Variants in AEBP2 observed in about 807,000 individuals in gnomAD.
AEBP2 encodes the protein AE binding protein 2, also known as zinc finger protein AEBP2.
In AEBP2, 10 loss-of-function variants were observed where a neutral mutation model predicts 50.8. That is an observed-to-expected ratio of 0.20 (90% CI 0.12 to 0.33). The LOEUF (loss-of-function observed/expected upper bound fraction) is 0.33, where lower values mean the gene tolerates loss of function less well. Ranked by LOEUF, AEBP2 falls within the 10% of genes least tolerant of loss-of-function variation. The probability of loss-of-function intolerance (pLI) is 1.00; values close to 1 mark genes in which losing one functional copy is unlikely to be tolerated. For synonymous variants in AEBP2, 296 were observed against 261.3 expected (o/e 1.13, Z -1.28); for missense variants, 570 against 688.0 (o/e 0.83, Z 1.92).
chr12:19,479,717 GTTTTTTTTTTTTTTT>G (rs369410408), intron 3 of AEBP2, among the ~76,000 whole-genome samples: 21 of 22,350 alleles, frequency 9.4e-4, no homozygotes, highest in African/African-American at 2.1e-3. Flanking sequence ...CTCTTTGTGG[GTTTTTTTTTTTTTTT>G]TTTTTTTTTT....
rs180857060 is a variant in AEBP2 at position 19,469,807 on chromosome 12, T to G, written c.880-3441T>G. On this transcript the variant is annotated intron_variant, in intron 2 of 7. Transcript: ENST00000266508. ...TAATACAACACAATTTGCTGTACCATGAGAGACTGGACTTGGGACCCCTGT... is the reference window on the plus strand; with the variant it reads ...TAATACAACACAATTTGCTGTACCAGGAGAGACTGGACTTGGGACCCCTGT... Among the ~76,000 whole-genome samples the G allele has an allele frequency of 5.9e-5, 9 of 152,326 alleles. No individual in the cohort carries two copies. The East Asian group carries it at 1.7e-3, about 29-fold the overall frequency.
chr12:19,427,668 AAAC>A (rs1352317274), intron 1 of AEBP2, among the ~76,000 whole-genome samples: 1 of 152,206 alleles, frequency 6.6e-6, no homozygotes, highest in Non-Finnish European at 1.5e-5. Context: ...AGGAGGCAAA[AAAC>A]CATACATACA....
intron 1 of AEBP2, among the ~76,000 whole-genome samples, chr12:19,454,873 CT>C (rs1948239422): frequency 6.6e-6 from 1 of 152,200 alleles, no homozygotes; most frequent in Non-Finnish European, 1.5e-5. Context: ...AGGCTTGCCC[CT>C]ATCCATTTGA....
Position 19,462,831 on chromosome 12 carries a change from T to TA in AEBP2, c.879+115dup, listed in dbSNP as rs1399071309. 4 of 965,182 alleles carry TA rather than the reference T, an allele frequency of 4.1e-6. No homozygotes were observed. The African/African-American group carries it at 6.6e-5, about 16-fold the overall frequency. 59.8% of individuals were successfully genotyped at this position (965,182 alleles called of 1,614,324 possible). On this transcript the variant is annotated intron_variant, in intron 2 of 7. Coordinates refer to ENST00000266508, the MANE Select transcript of AEBP2 (RefSeq NM_153207.5). ...ATTTGGGATTATTTTTACACAGGCT[T>TA]AGTTTTTTCAAGTGAATTTTTAATA...
At chr12:19,467,440 T>A (rs1948497126) in intron 2 of AEBP2, among the ~76,000 whole-genome samples, 5 of 152,074 alleles carry the variant, frequency 3.3e-5, no homozygotes, top group Admixed American at 2.6e-4. Flanking sequence ...ACTACAGGTG[T>A]GCGCCACCAC....
chr12:19,440,648 C>A, intron 1 of AEBP2: 1 of 1,530,444 alleles, frequency 6.5e-7, no homozygotes, highest in South Asian at 1.2e-5. Context: ...ACGGCTCTAA[C>A]TCGGAAACAG....
At chr12:19,475,176 GCTGTGTA>G (rs1252197112) in intron 3 of AEBP2, among the ~76,000 whole-genome samples, 2 of 1,178 alleles carry the variant, frequency 1.7e-3, no homozygotes, top group Non-Finnish European at 2.9e-3. Flanking sequence ...TGTCACCTGA[GCTGTGTA>G]CACTGTACAC....
At chr12:19,501,414 T>G (rs1949072903) in intron 5 of AEBP2, among the ~76,000 whole-genome samples, 1 of 152,022 alleles carries the variant, frequency 6.6e-6, no homozygotes, top group South Asian at 2.1e-4. Flanking sequence ...GCAGGCAGAT[T>G]GCTTGAACCT....
intron 3 of AEBP2, among the ~76,000 whole-genome samples, chr12:19,478,864 A>T (rs1175770466): frequency 6.6e-6 from 1 of 152,116 alleles, no homozygotes; most frequent in Non-Finnish European, 1.5e-5. Flanking sequence ...TAAAAAATTT[A>T]TAGAGACTTG....
At chr12:19,447,042 G>C (rs927456540) in intron 1 of AEBP2, among the ~76,000 whole-genome samples, 22 of 152,346 alleles carry the variant, frequency 1.4e-4, no homozygotes, top group Middle Eastern at 3.4e-3. Context: ...GATGAAGAGA[G>C]AATTCTAGAA....
rs71067027 is a variant in AEBP2, at chr12:19,481,092, C to CTTTTTTTTTTTTTTTTTTTTTTTT, written c.987+7740_987+7763dup. 1.2e-4 allele frequency among the ~76,000 whole-genome samples: 9 copies of CTTTTTTTTTTTTTTTTTTTTTTTT among 74,050 alleles called. 2 individuals carry two copies. Among genetic ancestry groups the CTTTTTTTTTTTTTTTTTTTTTTTT allele is most frequent in the African/African-American group, 2.8e-4 (5 of 17,554 alleles). 48.6% of individuals were successfully genotyped at this position (74,050 alleles called of 152,430 possible). Reference sequence around the variant, plus strand: ...TGTTATTGAAACTTTGCAGTGCATCCTTTTTTTTTTTTTTTTTTTTTTTTT... The same window carrying CTTTTTTTTTTTTTTTTTTTTTTTT: ...TGTTATTGAAACTTTGCAGTGCATCCTTTTTTTTTTTTTTTTTTTTTTTTTTTTTTTTTTTTTTTTTTTTTTTTT... On this transcript the variant is annotated intron_variant, in intron 3 of 7. Transcript: ENST00000266508.
intron 3 of AEBP2, among the ~76,000 whole-genome samples, chr12:19,486,978 G>T (rs1164260611): frequency 6.6e-6 from 1 of 152,064 alleles, no homozygotes; most frequent in East Asian, 1.9e-4. Flanking sequence ...TAGTGGATGA[G>T]TAGTGGTATC....
chr12:19,501,803 T>G (rs1056595923), intron 5 of AEBP2, among the ~76,000 whole-genome samples: 3 of 144,120 alleles, frequency 2.1e-5, no homozygotes, highest in Non-Finnish European at 4.6e-5. Context: ...GTTTGTTTTT[T>G]TTTTTTTTTT....
At chr12:19,491,040 A>G (rs545056811) in intron 3 of AEBP2, among the ~76,000 whole-genome samples, 1 of 152,346 alleles carries the variant, frequency 6.6e-6, no homozygotes, top group East Asian at 1.9e-4. Context: ...CTCAGTTACA[A>G]TAACCATATT....
chr12:19,439,155 C>G (rs543643423), upstream of AEBP2, among the ~76,000 whole-genome samples: 6 of 152,316 alleles, frequency 3.9e-5, no homozygotes, highest in African/African-American at 1.4e-4. Flanking sequence ...CATTTTAAAC[C>G]GCTCTCTTCG....
intron 1 of AEBP2, chr12:19,413,419 A>G: frequency 8.9e-7 from 1 of 1,118,530 alleles, no homozygotes; most frequent in Non-Finnish European, 1.4e-6. Context: ...GAAATTCAAC[A>G]GAAGAAAAGT....
intron 1 of AEBP2, among the ~76,000 whole-genome samples, chr12:19,414,311 A>C (rs1173444429): frequency 1.3e-5 from 2 of 152,102 alleles, no homozygotes; most frequent in African/African-American, 4.8e-5. Context: ...CCCAGCTCCT[A>C]TTCAAGATGG....
chr12:19,450,094 C>T (rs1352047269), intron 1 of AEBP2, among the ~76,000 whole-genome samples: 1 of 152,152 alleles, frequency 6.6e-6, no homozygotes, highest in African/African-American at 2.4e-5. Flanking sequence ...AGCACCACCG[C>T]AGTTTTGAAA....
Position 19,439,611 on chromosome 12 carries a change from T to A in AEBP2, c.-89T>A. On this transcript the variant is annotated 5_prime_UTR_variant, in exon 1 of 8. Coordinates refer to ENST00000266508, the MANE Select transcript of AEBP2 (RefSeq NM_153207.5). ...CTCTGCAGCGGCGTCGGCGGAGTTT[T>A]GGGCGTTTGGGAGGGGGGCGAGGGA... 1 of 1,453,760 alleles carries A rather than the reference T, an allele frequency of 6.9e-7. No homozygotes were observed. Among genetic ancestry groups the A allele is most frequent in the African/African-American group, 1.5e-5 (1 of 68,026 alleles). 90.1% of individuals were successfully genotyped at this position (1,453,760 alleles called of 1,614,324 possible). A position where few individuals can be genotyped will look rare whatever the true frequency, so the allele number is the denominator to read the frequency against.
Sources: gnomAD v4.1 joint callset for allele counts (sites outside exome capture counted in the v4.1 genomes callset) on GRCh38, gnomAD v4.1.1 for gene constraint, MANE v1.5 for transcripts, NCBI Gene and HGNC (gene_info 2026-07-23, HGNC 2026-07-21) for gene names.